LMO7: variants seen among roughly 807,000 people sequenced by gnomAD.
LMO7 encodes the protein LIM domain 7, also known as LIM domain only protein 7.
Under a neutral mutation model 206.5 loss-of-function variants are expected in LMO7, and 120 were observed. The observed-to-expected ratio is 0.58, with a 90% CI of 0.50 to 0.68. The LOEUF (loss-of-function observed/expected upper bound fraction) is 0.68, where lower values mean the gene tolerates loss of function less well. Ranked by LOEUF, LMO7 falls within the 30% of genes least tolerant of loss-of-function variation. The pLI is 0.00. For missense variants in LMO7, 1,959 were observed against 1,957.9 expected (o/e 1.00, Z -0.01); for synonymous variants, 706 against 681.5 (o/e 1.04, Z -0.56).
In LMO7 at chr13:75,813,431, G is replaced by A. The variant is rs957848291; in HGVS notation, c.1947-3730G>A. Among the ~76,000 whole-genome samples, 14 of 152,286 alleles carry A rather than the reference G, an allele frequency of 9.2e-5. 1 individual carries two copies. Among genetic ancestry groups the A allele is most frequent in the East Asian group, 1.9e-4 (1 of 5,174 alleles). The stretch of plus-strand genomic sequence containing the variant: ...CTTAGCAGGTGAGAAATGGGGGCTC[G>A]GAAGTGATCTGATGTGTGTTAGGGT... On this transcript the variant is annotated intron_variant, in intron 11 of 30. Coordinates refer to ENST00000377534, the MANE Select transcript of LMO7 (RefSeq NM_001306080.2).
At chr13:75,636,207 C>T (rs1025197622), upstream of LMO7, 9 of 792,126 alleles carry the variant, frequency 1.1e-5, no homozygotes, top group East Asian at 1.4e-4. Flanking sequence ...GGCCGGGAGC[C>T]CGGGGAGCCA....
intron 4 of LMO7, among the ~76,000 whole-genome samples, chr13:75,768,993 T>C (rs1171908515): frequency 6.6e-6 from 1 of 152,140 alleles, no homozygotes; most frequent in Admixed American, 6.6e-5. Context: ...CAATAGGTAC[T>C]GTTTGAGATG....
At chr13:75,852,488 A>G (rs1315087101) in intron 27 of LMO7, among the ~76,000 whole-genome samples, 4 of 152,218 alleles carry the variant, frequency 2.6e-5, no homozygotes, top group African/African-American at 4.8e-5. Flanking sequence ...TAAACCTAAA[A>G]TAAAAGTTGG....
At chr13:75,703,739 T>TGTGCGC (rs57290262) in intron 1 of LMO7, among the ~76,000 whole-genome samples, 2 of 151,674 alleles carry the variant, frequency 1.3e-5, no homozygotes, top group African/African-American at 4.9e-5. Flanking sequence ...TGTGTGTGTG[T>TGTGCGC]GCACTGTGAG....
chr13:75,776,343 C>CT (rs1323658570), intron 4 of LMO7, among the ~76,000 whole-genome samples: 1 of 150,948 alleles, frequency 6.6e-6, no homozygotes, highest in African/African-American at 2.4e-5. Flanking sequence ...AGTCATTTCC[C>CT]TTGCCTCCAG....
At chr13:75,626,930 T>G (rs1209865272) in intron 2 of LMO7, 1 of 152,074 alleles carries the variant, frequency 6.6e-6, no homozygotes, top group African/African-American at 2.4e-5. Flanking sequence ...ACCATAGGTA[T>G]TATTCTTTCC....
intron 1 of LMO7, among the ~76,000 whole-genome samples, chr13:75,647,401 TG>T (rs940185916): frequency 2.6e-5 from 4 of 152,202 alleles, no homozygotes; most frequent in African/African-American, 9.6e-5. Flanking sequence ...GTTTTGAACA[TG>T]TTTTTTTGAA....
chr13:75,651,256 T>G (rs911083241), intron 1 of LMO7, among the ~76,000 whole-genome samples: 12 of 152,238 alleles, frequency 7.9e-5, no homozygotes, highest in Middle Eastern at 3.4e-3. Flanking sequence ...GCTCCTTGAT[T>G]ATTACCAAGT....
At position 75,734,223 on chromosome 13, in the gene LMO7, C is replaced by G. The variant is rs1038561354; in HGVS notation, c.210+7125C>G. Among the ~76,000 whole-genome samples the G allele has an allele frequency of 4.6e-5, 7 of 152,266 alleles. No homozygotes were observed. In the South Asian group the frequency reaches 1.0e-3, roughly 23 times the overall value. The stretch of plus-strand genomic sequence containing the variant: ...GTGTATAAAATATACCCCACACTGT[C>G]CCAAGGTAGCTACTCAGACGGGGTA... On this transcript the variant is annotated intron_variant, in intron 3 of 30. Coordinates refer to ENST00000377534, the MANE Select transcript of LMO7 (RefSeq NM_001306080.2).
chr13:75,810,422 C>A (rs1322111339), intron 11 of LMO7, among the ~76,000 whole-genome samples: 1 of 152,078 alleles, frequency 6.6e-6, no homozygotes, highest in Non-Finnish European at 1.5e-5. Flanking sequence ...TTCTAGATGC[C>A]AAAGGTGTAA....
chr13:75,720,336 A>G (rs1426036195), intron 2 of LMO7, among the ~76,000 whole-genome samples: 1 of 152,180 alleles, frequency 6.6e-6, no homozygotes, highest in Non-Finnish European at 1.5e-5. Flanking sequence ...TTTAATTTTA[A>G]TGAAGTCCAG....
At chr13:75,753,204 G>C (rs955338790) in intron 3 of LMO7, among the ~76,000 whole-genome samples, 1 of 151,854 alleles carries the variant, frequency 6.6e-6, no homozygotes, top group Non-Finnish European at 1.5e-5. Context: ...TCATATTTTT[G>C]TTGGCCATTT....
At position 75,805,596 on chromosome 13, in the gene LMO7, T is replaced by G. The variant is rs533571070; in HGVS notation, c.1032T>G (p.Ile344Met). The G allele has an allele frequency of 1.2e-6, 2 of 1,614,028 alleles. No individual in the cohort carries two copies. The highest frequency in any genetic ancestry group is 1.1e-5 in the South Asian group (1 of 91,082). ...CAAAGACAAGAAGCATACCCAACAT[T>G]GTAAAGGATGATCTTTATGTGCGCA... is the stretch of plus-strand genomic sequence containing the variant. ...EKAKTRSIPN[I>M]VKDDLYVRKL... Residue 344 changes from isoleucine to methionine, a missense_variant, in exon 9 of 31, where the codon ATT becomes ATG. Ile to Met is a conservative substitution (Grantham distance 10). Transcript: ENST00000377534.
upstream of LMO7, chr13:75,631,562 G>GAAA (rs5804823): frequency 6.6e-6 from 1 of 151,780 alleles, no homozygotes; most frequent in African/African-American, 2.4e-5. Flanking sequence ...GGGTGAGGGA[G>GAAA]GTGAACTGTG....
intron 3 of LMO7, among the ~76,000 whole-genome samples, chr13:75,732,085 A>T (rs1322610995): frequency 6.6e-6 from 1 of 151,984 alleles, no homozygotes; most frequent in African/African-American, 2.4e-5. Context: ...ACTTTAGTGA[A>T]TCTGACAATT....
At chr13:75,706,739 T>C (rs1164251771) in intron 1 of LMO7, among the ~76,000 whole-genome samples, 5 of 152,182 alleles carry the variant, frequency 3.3e-5, no homozygotes, top group African/African-American at 4.8e-5. Flanking sequence ...AGCTGTATTA[T>C]GTTGTAAAAT....
In LMO7 at chr13:75,719,213, C is replaced by G. The variant is rs140002134; in HGVS notation, c.140+5961C>G. Among the ~76,000 whole-genome samples the G allele has an allele frequency of 4.5e-3, 681 of 151,872 alleles. 7 individuals are homozygous for G. The highest frequency in any genetic ancestry group is 0.016 in the African/African-American group (652 of 41,338). On this transcript the variant is annotated intron_variant, in intron 2 of 30. Transcript: ENST00000377534. ...CAGGCTGGTCTCGAACTCCTGACCT[C>G]AAGTGATCTGTCCGCCTTGGCCTCC...
chr13:75,786,125 GTACT>G (rs1373599348), intron 4 of LMO7, among the ~76,000 whole-genome samples: 1 of 152,142 alleles, frequency 6.6e-6, no homozygotes, highest in African/African-American at 2.4e-5. Context: ...CCTCTCGATA[GTACT>G]GTTGGCTCTG....
chr13:75,809,028 G>A (rs2055940491), intron 10 of LMO7, 126 bp from the exon 11 acceptor site: 2 of 744,018 alleles, frequency 2.7e-6, no homozygotes, highest in African/African-American at 1.8e-5. Flanking sequence ...AGAATGTGAT[G>A]GAAGAAGTGA....
Sources: gnomAD v4.1 joint callset for allele counts (sites outside exome capture counted in the v4.1 genomes callset) on GRCh38, gnomAD v4.1.1 for gene constraint, MANE v1.5 for transcripts, NCBI Gene and HGNC (gene_info 2026-07-23, HGNC 2026-07-21) for gene names.